PTPRR: variants seen among roughly 807,000 people sequenced by gnomAD.
PTPRR encodes receptor-type tyrosine-protein phosphatase R.
In PTPRR, 38 loss-of-function variants were observed where a neutral mutation model predicts 77.2. That is an observed-to-expected ratio of 0.49 (90% CI 0.38 to 0.65). The LOEUF (loss-of-function observed/expected upper bound fraction) is 0.65, where lower values mean the gene tolerates loss of function less well. PTPRR is among the 30% of genes least tolerant of loss of function. The pLI, the probability that PTPRR is intolerant of heterozygous loss-of-function variation, is 0.00. For synonymous variants in PTPRR, 299 were observed against 283.1 expected (o/e 1.06, Z -0.57); for missense variants, 744 against 799.2 (o/e 0.93, Z 0.83).
intron 10 of PTPRR, among the ~76,000 whole-genome samples, chr12:70,677,604 A>G (rs1411865644): frequency 2.6e-5 from 4 of 152,104 alleles, no homozygotes; most frequent in African/African-American, 9.7e-5. Context: ...ATTTGTTGAC[A>G]GTTCTTATCA....
intron 2 of PTPRR, among the ~76,000 whole-genome samples, chr12:70,827,379 A>G (rs1451172335): frequency 6.6e-6 from 1 of 152,164 alleles, no homozygotes; most frequent in African/African-American, 2.4e-5. Context: ...TTTATTTCTC[A>G]GAGTTCTGGA....
chr12:70,650,715 C>G lies in PTPRR; in HGVS notation c.1880+5989G>C, dbSNP rs151131040. Among the ~76,000 whole-genome samples the G allele has an allele frequency of 8.9e-3, 1,361 of 152,230 alleles. 9 individuals are homozygous for G. Among genetic ancestry groups the G allele is most frequent in the Middle Eastern group, 0.017 (5 of 294 alleles). ...TGAATGTATGCAGGATTCAGGAGCA[C>G]CACTCTGTGCAGAGGTCTCAGATGC... On this transcript the variant is annotated intron_variant, in intron 13 of 13. Transcript: ENST00000283228.
intron 2 of PTPRR, among the ~76,000 whole-genome samples, chr12:70,819,613 T>C (rs1394773062): frequency 6.6e-6 from 1 of 152,224 alleles, no homozygotes. Context: ...TCAGGTGTTT[T>C]GGTCTTCATG....
chr12:70,912,632 T>G (rs1893716313), intron 1 of PTPRR, among the ~76,000 whole-genome samples: 2 of 152,146 alleles, frequency 1.3e-5, no homozygotes, highest in South Asian at 2.1e-4. Flanking sequence ...ATCAACATCT[T>G]AATATATTAA....
intron 2 of PTPRR, among the ~76,000 whole-genome samples, chr12:70,881,424 C>G (rs547996425): frequency 6.6e-6 from 1 of 152,174 alleles, no homozygotes; most frequent in Non-Finnish European, 1.5e-5. Flanking sequence ...GGGCAAACAT[C>G]TCTCACACAT....
chr12:70,784,694 A>T (rs1249960172), intron 2 of PTPRR, among the ~76,000 whole-genome samples: 30 of 152,250 alleles, frequency 2.0e-4, no homozygotes, highest in Admixed American at 2.0e-3. Flanking sequence ...AAGTAACAGT[A>T]AACTAGGCTT....
intron 10 of PTPRR, among the ~76,000 whole-genome samples, chr12:70,667,416 G>T (rs1004704884): frequency 6.6e-6 from 1 of 152,186 alleles, no homozygotes. Context: ...TTTGGGCGCA[G>T]TCAGCATCTG....
chr12:70,772,253 A>T (rs17108750), intron 2 of PTPRR, among the ~76,000 whole-genome samples: 3,744 of 152,124 alleles, frequency 0.025, 166 homozygotes, highest in African/African-American at 0.083. Context: ...CTGCAACATC[A>T]CCTGTTCTGT....
intron 2 of PTPRR, among the ~76,000 whole-genome samples, chr12:70,817,981 A>G (rs1423623056): frequency 6.6e-6 from 1 of 152,134 alleles, no homozygotes; most frequent in Non-Finnish European, 1.5e-5. Flanking sequence ...TGGGAGGCCG[A>G]GGAGGTCGGA....
At chr12:70,880,643 A>G (rs1386352267) in intron 2 of PTPRR, among the ~76,000 whole-genome samples, 1 of 152,182 alleles carries the variant, frequency 6.6e-6, no homozygotes, top group Non-Finnish European at 1.5e-5. Context: ...TTGTATCCCT[A>G]GAGTCTGTTG....
intron 10 of PTPRR, among the ~76,000 whole-genome samples, chr12:70,679,172 T>C (rs1296396790): frequency 1.3e-5 from 2 of 152,242 alleles, no homozygotes; most frequent in African/African-American, 2.4e-5. Flanking sequence ...AATGTCTTCA[T>C]TGATCCATTG....
At chr12:70,871,552 T>C (rs1475854056) in intron 2 of PTPRR, among the ~76,000 whole-genome samples, 1 of 152,186 alleles carries the variant, frequency 6.6e-6, no homozygotes, top group Non-Finnish European at 1.5e-5. Context: ...GCAATATACA[T>C]TCTAATTTCA....
At position 70,639,086 on chromosome 12, in the gene PTPRR, TC is replaced by T; in HGVS notation, c.*97del. 1.0e-6 allele frequency: 1 copy of T among 993,378 alleles called. No homozygotes were observed. Among genetic ancestry groups the T allele is most frequent in the Non-Finnish European group, 1.5e-6 (1 of 652,794 alleles). 61.5% of individuals were successfully genotyped at this position (993,378 alleles called of 1,614,324 possible). On this transcript the variant is annotated 3_prime_UTR_variant, in exon 14 of 14. Coordinates refer to ENST00000283228, the MANE Select transcript of PTPRR (RefSeq NM_002849.4). The stretch of plus-strand genomic sequence containing the variant: ...TGCCATACATGGGCTTCAGAGCTTC[TC>T]CTTCCTTCCATTGCAGGAAGCTCCT...
intron 10 of PTPRR, among the ~76,000 whole-genome samples, chr12:70,674,891 G>A (rs1887385818): frequency 6.6e-6 from 1 of 151,962 alleles, no homozygotes; most frequent in Non-Finnish European, 1.5e-5. Flanking sequence ...GCCCATTAAT[G>A]CTTCAGATAT....
chr12:70,779,591 A>G (rs1366582730), intron 2 of PTPRR, among the ~76,000 whole-genome samples: 3 of 152,178 alleles, frequency 2.0e-5, no homozygotes, highest in African/African-American at 7.2e-5. Context: ...TTTATTGTAT[A>G]TTCTCACTTT....
At chr12:70,726,138 TTTACA>T (rs1889427653) in intron 6 of PTPRR, among the ~76,000 whole-genome samples, 1 of 152,014 alleles carries the variant, frequency 6.6e-6, no homozygotes, top group Admixed American at 6.6e-5. Context: ...TGCAAAACAT[TTTACA>T]TTACACTTGT....
intron 8 of PTPRR, among the ~76,000 whole-genome samples, chr12:70,696,847 TG>T (rs1888249876): frequency 6.6e-6 from 1 of 152,176 alleles, no homozygotes; most frequent in Non-Finnish European, 1.5e-5. Flanking sequence ...TTCATATAAA[TG>T]GACTACAAAA....
At chr12:70,833,892 G>A (rs1892258109) in intron 2 of PTPRR, among the ~76,000 whole-genome samples, 1 of 152,140 alleles carries the variant, frequency 6.6e-6, no homozygotes, top group African/African-American at 2.4e-5. Context: ...GGCAGCCCCA[G>A]CCAGGCATTT....
chr12:70,641,859 TC>T lies in PTPRR; in HGVS notation c.1881-2583del, dbSNP rs1338376585. 3.3e-5 allele frequency among the ~76,000 whole-genome samples: 5 copies of T among 152,186 alleles called. No homozygotes were observed. The South Asian group carries it at 1.0e-3, about 32-fold the overall frequency. On this transcript the variant is annotated intron_variant, in intron 13 of 13. Coordinates refer to ENST00000283228, the MANE Select transcript of PTPRR (RefSeq NM_002849.4). ...AATAACCCAAAAGACGTCTTAAGGC[TC>T]CCCTGTAGTCACACAACAGCTCTCC...
Sources: allele counts gnomAD v4.1 joint callset (sites outside exome capture counted in the v4.1 genomes callset), GRCh38; gene constraint gnomAD v4.1.1; transcripts MANE v1.5; gene names NCBI Gene and HGNC (gene_info 2026-07-23, HGNC 2026-07-21).